SLC39A2: variants seen among roughly 807,000 people sequenced by gnomAD.
SLC39A2 encodes the protein solute carrier family 39 member 2.
A neutral mutation model predicts 18.0 loss-of-function variants in SLC39A2; 14 were observed. That is an observed-to-expected ratio of 0.78 (90% CI 0.51 to 1.22). SLC39A2 has a LOEUF of 1.22. Ranked by LOEUF, SLC39A2 falls within the 50% of genes most tolerant of loss-of-function variation. The pLI is 0.00. For missense variants in SLC39A2, 375 were observed against 370.6 expected, an observed-to-expected ratio of 1.01 and a Z score of -0.10; for synonymous variants, 152 against 153.1, an observed-to-expected ratio of 0.99 and a Z score of 0.05.
rs374678543 is a variant in SLC39A2, at chr14:21,001,753, TAA to T, written c.*175_*176del. 5.9e-5 allele frequency: 30 copies of T among 506,536 alleles called. No individual in the cohort carries two copies. Among genetic ancestry groups the T allele is most frequent in the African/African-American group, 4.4e-4 (23 of 51,902 alleles). The allele number at this position is 506,536 out of a possible 1,614,324, so 31.4% of individuals were successfully genotyped here. ...TGAGATCCCATTTCTCACCCTGGAC[TAA>T]GACAAAGATATTTAGGTTGAGCAGC... is the stretch of plus-strand genomic sequence containing the variant. On this transcript the variant is annotated 3_prime_UTR_variant, in exon 4 of 4. Transcript: ENST00000298681.
Position 21,001,063 on chromosome 14 carries a change from C to T in SLC39A2, c.414C>T (p.Asp138=), listed in dbSNP as rs142794092. 60 of 1,607,120 alleles carry T rather than the reference C, an allele frequency of 3.7e-5. No homozygotes were observed. In the East Asian group the frequency reaches 3.8e-4, roughly 10 times the overall value. Residue 138 remains aspartate, a synonymous_variant, in exon 4 of 4, where the codon GAC becomes GAT. Coordinates refer to ENST00000298681, the MANE Select transcript of SLC39A2 (RefSeq NM_014579.4). ...CTGCTGGAGGATCGACAGTGCAGGA[C>T]GAAGAATGGGGTGGGGCTCATATCT... ...PGAAGGSTVQ[D]EEWGGAHIFE...
At position 20,999,545 on chromosome 14, in the gene SLC39A2, G is replaced by T. The variant is rs1880533327; in HGVS notation, c.99G>T (p.Gln33His). 2.5e-6 allele frequency: 4 copies of T among 1,613,922 alleles called. No homozygotes were observed. Among genetic ancestry groups the T allele is most frequent in the Non-Finnish European group, 3.4e-6 (4 of 1,179,798 alleles). ...GLTPICFKWF[Q>H]IDAARGHHRL... ...CTCCCATCTGCTTCAAATGGTTCCA[G>T]ATTGATGCAGCCAGAGGTATAGCCC... is the stretch of plus-strand genomic sequence containing the variant. Residue 33 changes from glutamine to histidine, a missense_variant, in exon 1 of 4, where the codon CAG becomes CAT. By Grantham distance (24) the Gln-to-His change is conservative (BLOSUM62 0). Transcript: ENST00000298681.
intron 3 of SLC39A2, 24 bp downstream of exon 3, chr14:21,000,190 A>C: frequency 6.3e-7 from 1 of 1,583,594 alleles, no homozygotes; most frequent in Non-Finnish European, 8.6e-7. Context: ...ACCATCCCCT[A>C]TCTGGAGAGT....
rs1880619488 is a variant in SLC39A2 at position 21,001,262 on chromosome 14, C to T, written c.613C>T (p.Leu205Phe). 1.2e-6 allele frequency: 2 copies of T among 1,614,188 alleles called. No individual in the cohort carries two copies. Among genetic ancestry groups the T allele is most frequent in the East Asian group, 4.5e-5 (2 of 44,884 alleles). The change falls in exon 4 of 4, where the codon CTT becomes TTT. Residue 205 changes from leucine (L) to phenylalanine (F), a missense_variant. By Grantham distance (22) the Leu-to-Phe change is conservative. Coordinates refer to ENST00000298681, the MANE Select transcript of SLC39A2 (RefSeq NM_014579.4). ...LCLAVLAHKG[L>F]VVFGVGMRLV... ...CCTTGCTGTCCTGGCTCATAAGGGG[C>T]TTGTGGTGTTTGGTGTAGGAATGCG... is the stretch of plus-strand genomic sequence containing the variant.
rs149113931 is a variant in SLC39A2, at chr14:21,001,317, G to A, written c.668G>A (p.Trp223Ter). ...GTGCATTTAGGTACCAGCTCACGAT[G>A]GGCAGTGTTCTCCATACTATTATTA... Reference protein sequence around the residue: ...RLVHLGTSSRWAVFSILLLAL... With the variant: ...RLVHLGTSSR Residue 223 changes from tryptophan (W) to a stop codon, truncating the protein, a stop_gained, in exon 4 of 4, where the codon TGG becomes TAG. Transcript: ENST00000298681. LOFTEE classifies it high-confidence loss of function. The A allele has an allele frequency of 5.1e-5, 83 of 1,614,200 alleles. No homozygotes were observed. Among genetic ancestry groups the A allele is most frequent in the Middle Eastern group, 3.3e-4 (2 of 6,062 alleles).
intron 3 of SLC39A2, 52 bp from the exon 4 acceptor site, chr14:21,000,895 A>C: frequency 7.3e-7 from 1 of 1,367,438 alleles, no homozygotes; most frequent in Non-Finnish European, 9.7e-7. Flanking sequence ...TGTCCATCCA[A>C]TGTATTGCCT....
rs915272077 is a variant in SLC39A2 at position 21,001,623 on chromosome 14, C to G, written c.*44C>G. ...GATGGACCTATTTAGGACAACCTCT[C>G]TATCCCCAGGGAGACCTCCCAAATG... is the stretch of plus-strand genomic sequence containing the variant. On this transcript the variant is annotated 3_prime_UTR_variant, in exon 4 of 4. Coordinates refer to ENST00000298681, the MANE Select transcript of SLC39A2 (RefSeq NM_014579.4). 1 of 1,511,956 alleles carries G rather than the reference C, an allele frequency of 6.6e-7. No homozygotes were observed. Among genetic ancestry groups the G allele is most frequent in the Non-Finnish European group, 8.8e-7 (1 of 1,130,822 alleles). 93.7% of individuals were successfully genotyped at this position (1,511,956 alleles called of 1,614,324 possible). A position where few individuals can be genotyped will look rare whatever the true frequency, so the allele number is the denominator to read the frequency against.
In SLC39A2 at chr14:20,999,741, G is replaced by C. The variant is rs1880543208; in HGVS notation, c.116-1G>C. 6.2e-7 allele frequency: 1 copy of C among 1,614,018 alleles called. No individual in the cohort carries two copies. The highest frequency in any genetic ancestry group is 8.5e-7 in the Non-Finnish European group (1 of 1,180,000). On this transcript the variant is annotated splice_acceptor_variant, in intron 1 of 3. Coordinates refer to ENST00000298681, the MANE Select transcript of SLC39A2 (RefSeq NM_014579.4). LOFTEE classifies it high-confidence loss of function. ...GGGTTGTAACTTCTGCTTTTTATTA[G>C]GTCATCACCGGCTAGTCCTCAGACT...
At position 20,999,463 on chromosome 14, in the gene SLC39A2, G is replaced by A; in HGVS notation, c.17G>A (p.Gly6Glu). Residue 6 changes from glycine to glutamate, a missense_variant, in exon 1 of 4, where the codon GGA becomes GAA. By Grantham distance (98) the Gly-to-Glu change is moderately conservative (BLOSUM62 -2). Coordinates refer to ENST00000298681, the MANE Select transcript of SLC39A2 (RefSeq NM_014579.4). The part of the protein sequence containing the change: MEQLL[G>E]IKLGCLFALL... The stretch of plus-strand genomic sequence containing the variant: ...ACCCCAGAGATGGAGCAACTACTAG[G>A]AATAAAACTTGGCTGCCTGTTTGCC... The A allele has an allele frequency of 1.2e-6, 2 of 1,613,938 alleles. No homozygotes were observed. The highest frequency in any genetic ancestry group is 2.2e-5 in the South Asian group (2 of 91,072).
chr14:21,000,893 C>G, intron 3 of SLC39A2, 54 bp from the exon 4 acceptor site: 1 of 1,350,614 alleles, frequency 7.4e-7, no homozygotes. Context: ...CATGTCCATC[C>G]AATGTATTGC....
Position 20,999,390 on chromosome 14 carries a change from C to A in SLC39A2, c.-57C>A. ...GACCACCTAAGATACCACTCCTGCT[C>A]CAAAGATTACAGCTCCCTTGTCATT... On this transcript the variant is annotated 5_prime_UTR_variant, in exon 1 of 4. Coordinates refer to ENST00000298681, the MANE Select transcript of SLC39A2 (RefSeq NM_014579.4). 2 of 1,349,284 alleles carry A rather than the reference C, an allele frequency of 1.5e-6. No individual in the cohort carries two copies. Among genetic ancestry groups the A allele is most frequent in the Non-Finnish European group, 2.1e-6 (2 of 939,754 alleles). The allele number at this position is 1,349,284 out of a possible 1,614,324, so 83.6% of individuals were successfully genotyped here. A position where few individuals can be genotyped will look rare whatever the true frequency, so the allele number is the denominator to read the frequency against.
In SLC39A2 at chr14:21,001,296, A is replaced by G. The variant is rs527893268; in HGVS notation, c.647A>G (p.His216Arg). The change falls in exon 4 of 4, where the codon CAT becomes CGT. Residue 216 changes from histidine to arginine, a missense_variant. His to Arg is a conservative substitution (Grantham distance 29). Coordinates refer to ENST00000298681, the MANE Select transcript of SLC39A2 (RefSeq NM_014579.4). ...VVFGVGMRLV[H>R]LGTSSRWAVF... ...TTTGGTGTAGGAATGCGGCTAGTGCATTTAGGTACCAGCTCACGATGGGCA... is the reference window on the plus strand; with the variant it reads ...TTTGGTGTAGGAATGCGGCTAGTGCGTTTAGGTACCAGCTCACGATGGGCA... 1.2e-5 allele frequency: 19 copies of G among 1,614,078 alleles called. No individual in the cohort carries two copies. Among genetic ancestry groups the G allele is most frequent in the Non-Finnish European group, 1.5e-5 (18 of 1,180,048 alleles).
Position 20,999,796 on chromosome 14 carries a change from T to C in SLC39A2, c.170T>C (p.Leu57Pro). Residue 57 changes from leucine to proline, a missense_variant, in exon 2 of 4, where the codon CTG becomes CCG. Physicochemically the swap from Leu to Pro is moderately conservative, Grantham distance 98. Transcript: ENST00000298681. ...LLGCISAGVF[L>P]GAGFMHMTAE... ...GGCTGTATTTCTGCTGGTGTTTTCC[T>C]GGGAGCAGGGTTCATGCATATGACT... 6.2e-7 allele frequency: 1 copy of C among 1,614,186 alleles called. No individual in the cohort carries two copies. Among genetic ancestry groups the C allele is most frequent in the Non-Finnish European group, 8.5e-7 (1 of 1,179,994 alleles).
In SLC39A2 at chr14:20,999,983, AAAATGACAGCT is replaced by A. The variant is rs1880556624; in HGVS notation, c.246+112_246+122del. 36 of 1,501,834 alleles carry A rather than the reference AAAATGACAGCT, an allele frequency of 2.4e-5. No homozygotes were observed. The Admixed American group carries it at 6.5e-4, about 27-fold the overall frequency. The allele number at this position is 1,501,834 out of a possible 1,614,324, so 93.0% of individuals were successfully genotyped here. A position where few individuals can be genotyped will look rare whatever the true frequency, so the allele number is the denominator to read the frequency against. ...CAAGGACATGGGTGGAACGACAAGG[AAAATGACAGCT>A]CTTGTGTGGGATGGTGAAAGCAAGT... On this transcript the variant is annotated intron_variant, in intron 2 of 3. Coordinates refer to ENST00000298681, the MANE Select transcript of SLC39A2 (RefSeq NM_014579.4).
At position 21,001,359 on chromosome 14, in the gene SLC39A2, T is replaced by G. The variant is rs779619376; in HGVS notation, c.710T>G (p.Leu237Arg). ...SILLLALMSP[L>R]GLAVGLAVTG... ...CTATTATTAGCTCTCATGTCCCCCC[T>G]GGGCCTAGCCGTAGGGCTGGCTGTG... Residue 237 changes from leucine (L) to arginine (R), a missense_variant, in exon 4 of 4, where the codon CTG becomes CGG. Leu to Arg is a moderately radical substitution (Grantham distance 102). Transcript: ENST00000298681. 122 of 1,614,040 alleles carry G rather than the reference T, an allele frequency of 7.6e-5. No homozygotes were observed. Among genetic ancestry groups the G allele is most frequent in the Non-Finnish European group, 1.0e-4 (118 of 1,180,000 alleles).
chr14:20,999,344 G>T lies in SLC39A2; in HGVS notation c.-103G>T, dbSNP rs545338379. 2 of 811,670 alleles carry T rather than the reference G, an allele frequency of 2.5e-6. No individual in the cohort carries two copies. The highest frequency in any genetic ancestry group is 1.7e-5 in the African/African-American group (1 of 59,354). The allele number at this position is 811,670 out of a possible 1,614,324, so 50.3% of individuals were successfully genotyped here. On this transcript the variant is annotated 5_prime_UTR_variant, in exon 1 of 4. Transcript: ENST00000298681. ...ATACCAACAGCCTCCTGAAACTCAC[G>T]AGAGTGGACACTCCAGTGTTGACCA...
chr14:21,000,968 C>T lies in SLC39A2; in HGVS notation c.319C>T (p.Leu107Phe). ...CTAGATGGAGTATCCCTATGGAGAG[C>T]TCATCATCTCCCTGGGCTTCTTTTT... ...SAHMEYPYGE[L>F]IISLGFFFVF... Residue 107 changes from leucine (L) to phenylalanine (F), a missense_variant, in exon 4 of 4, where the codon CTC (leucine) becomes TTC (phenylalanine). Transcript: ENST00000298681. 2 of 1,513,886 alleles carry T rather than the reference C, an allele frequency of 1.3e-6. No individual in the cohort carries two copies. The highest frequency in any genetic ancestry group is 1.8e-6 in the Non-Finnish European group (2 of 1,132,276). 93.8% of individuals were successfully genotyped at this position (1,513,886 alleles called of 1,614,324 possible). A position where few individuals can be genotyped will look rare whatever the true frequency, so the allele number is the denominator to read the frequency against.
In SLC39A2 at chr14:20,999,405, C is replaced by T. The variant is rs1566436815; in HGVS notation, c.-42C>T. 10 of 1,450,506 alleles carry T rather than the reference C, an allele frequency of 6.9e-6. No individual in the cohort carries two copies. The highest frequency in any genetic ancestry group is 9.7e-6 in the Non-Finnish European group (10 of 1,031,470). The allele number at this position is 1,450,506 out of a possible 1,614,324, so 89.9% of individuals were successfully genotyped here. On this transcript the variant is annotated 5_prime_UTR_variant, in exon 1 of 4. Coordinates refer to ENST00000298681, the MANE Select transcript of SLC39A2 (RefSeq NM_014579.4). ...CACTCCTGCTCCAAAGATTACAGCT[C>T]CCTTGTCATTCTGACTCCTGGGCTT...
At position 20,999,548 on chromosome 14, in the gene SLC39A2, T is replaced by G. The variant is rs144930585; in HGVS notation, c.102T>G (p.Ile34Met). The G allele has an allele frequency of 1.2e-6, 2 of 1,613,908 alleles. No individual in the cohort carries two copies. Among genetic ancestry groups the G allele is most frequent in the African/African-American group, 2.7e-5 (2 of 74,928 alleles). The change falls in exon 1 of 4, where the codon ATT becomes ATG. Residue 34 changes from isoleucine to methionine, a missense_variant. Physicochemically the swap from Ile to Met is conservative, Grantham distance 10. Transcript: ENST00000298681. ...CCATCTGCTTCAAATGGTTCCAGATTGATGCAGCCAGAGGTATAGCCCTAC... is the reference window on the plus strand; with the variant it reads ...CCATCTGCTTCAAATGGTTCCAGATGGATGCAGCCAGAGGTATAGCCCTAC... ...LTPICFKWFQ[I>M]DAARGHHRLV...
Sources: gnomAD v4.1 joint callset for allele counts on GRCh38, gnomAD v4.1.1 for gene constraint, MANE v1.5 for transcripts, NCBI Gene and HGNC (gene_info 2026-07-23, HGNC 2026-07-21) for gene names.